Variants in ACVR1B observed in about 807,000 individuals in gnomAD.
ACVR1B encodes the protein activin receptor type-1B.
ACVR1B carries 15 observed loss-of-function variants against 55.6 expected under a neutral mutation model. That is an observed-to-expected ratio of 0.27 (90% CI 0.18 to 0.42). The LOEUF is 0.42. ACVR1B is among the 10% of genes least tolerant of loss of function. The pLI is 1.00. For synonymous variants in ACVR1B, 247 were observed against 254.6 expected (o/e 0.97, Z 0.28); for missense variants, 359 against 670.1 (o/e 0.54, Z 5.13).
intron 1 of ACVR1B, among the ~76,000 whole-genome samples, chr12:51,968,390 GTTATT>G (rs1272495086): frequency 2.6e-5 from 4 of 152,194 alleles, no homozygotes; most frequent in Non-Finnish European, 5.9e-5. Context: ...TGTAATAAAT[GTTATT>G]TTATTCTAAA....
chr12:51,995,610 T>A lies in ACVR1B; in HGVS notation c.*1500T>A, dbSNP rs1250149324. On this transcript the variant is annotated 3_prime_UTR_variant, in exon 9 of 9. Coordinates refer to ENST00000257963, the MANE Select transcript of ACVR1B (RefSeq NM_004302.5). ...GTTTGGATTTTAACTTTTTTTAATG[T>A]TGTTAAATATTAAGTTTTTGTAAAA... 4 of 152,532 alleles carry A rather than the reference T, an allele frequency of 2.6e-5. No homozygotes were observed. Among genetic ancestry groups the A allele is most frequent in the Non-Finnish European group, 1.5e-5 (1 of 68,018 alleles). 9.4% of individuals were successfully genotyped at this position (152,532 alleles called of 1,614,324 possible). A position where few individuals can be genotyped will look rare whatever the true frequency, so the allele number is the denominator to read the frequency against.
intron 2 of ACVR1B, 22 bp from the exon 3 acceptor site, chr12:51,976,305 T>C (rs761577536): frequency 6.2e-7 from 1 of 1,613,172 alleles, no homozygotes; most frequent in African/African-American, 1.3e-5. Context: ...ATTCTTTCCC[T>C]CTCCTCTCTC....
chr12:51,996,684 C>T lies in ACVR1B; in HGVS notation c.*2574C>T, dbSNP rs1269430794. On this transcript the variant is annotated 3_prime_UTR_variant, in exon 9 of 9. Transcript: ENST00000257963. ...CCCCACACACAGTCCAACTCTTCCA[C>T]CTCTGGGGAAGATGGAGCAGGTCTT... 8.5e-5 allele frequency: 13 copies of T among 152,738 alleles called. No homozygotes were observed. Among genetic ancestry groups the T allele is most frequent in the African/African-American group, 2.9e-4 (12 of 41,564 alleles). The allele number at this position is 152,738 out of a possible 1,614,324, so 9.5% of individuals were successfully genotyped here. A position where few individuals can be genotyped will look rare whatever the true frequency, so the allele number is the denominator to read the frequency against.
At chr12:51,962,896 G>A (rs1371929120) in intron 1 of ACVR1B, among the ~76,000 whole-genome samples, 1 of 152,202 alleles carries the variant, frequency 6.6e-6, no homozygotes, top group Admixed American at 6.5e-5. Context: ...ATTGAGCACA[G>A]TGCTATTTGC....
intron 1 of ACVR1B, among the ~76,000 whole-genome samples, chr12:51,952,249 C>G (rs934609023): frequency 6.6e-6 from 1 of 152,138 alleles, no homozygotes; most frequent in Non-Finnish European, 1.5e-5. Flanking sequence ...CGTCTTTCTC[C>G]CGCCAAGACT....
At chr12:51,981,526 C>T (rs1022786261) in intron 4 of ACVR1B, among the ~76,000 whole-genome samples, 6 of 152,110 alleles carry the variant, frequency 3.9e-5, no homozygotes, top group Admixed American at 3.3e-4. Flanking sequence ...GTCCCGTAAG[C>T]TTATTTTGAA....
chr12:51,969,044 T>C (rs1941694802), intron 1 of ACVR1B, among the ~76,000 whole-genome samples: 1 of 152,184 alleles, frequency 6.6e-6, no homozygotes, highest in African/African-American at 2.4e-5. Flanking sequence ...GCCAGCATCA[T>C]GCGCCAAATG....
At chr12:51,987,005 GT>G in intron 7 of ACVR1B, 63 bp downstream of exon 7, 5 of 1,610,510 alleles carry the variant, frequency 3.1e-6, no homozygotes, top group Non-Finnish European at 4.2e-6. Context: ...ACCCAAAGCT[GT>G]TTTACTGCCC....
Position 51,994,067 on chromosome 12 carries a change from A to C in ACVR1B, c.1475A>C (p.Lys492Thr), listed in dbSNP as rs763727605. The C allele has an allele frequency of 1.2e-6, 2 of 1,614,144 alleles. No individual in the cohort carries two copies. The highest frequency in any genetic ancestry group is 8.5e-7 in the Non-Finnish European group (1 of 1,180,048). Residue 492 changes from lysine (K) to threonine (T), a missense_variant, in exon 9 of 9, where the codon AAG becomes ACG. Lys to Thr is a moderately conservative substitution (Grantham distance 78). This residue lies in a region of ACVR1B where 53 missense variants were observed against 78.5 expected (regional missense o/e 0.68). Coordinates refer to ENST00000257963, the MANE Select transcript of ACVR1B (RefSeq NM_004302.5). The surrounding 1 kb of genome is among the most constrained non-coding windows in gnomAD (Gnocchi z 4.2). ...CGCCTGACGGCCCTGCGCATCAAGAAGACCCTCTCCCAGCTCAGCGTGCAG... is the reference window on the plus strand; with the variant it reads ...CGCCTGACGGCCCTGCGCATCAAGACGACCCTCTCCCAGCTCAGCGTGCAG... ...AARLTALRIK[K>T]TLSQLSVQED... is the part of the protein sequence containing the mutation.
In ACVR1B at chr12:51,982,584, C is replaced by A. The variant is rs535334552; in HGVS notation, c.811+1385C>A. 1.3e-5 allele frequency: 17 copies of A among 1,293,398 alleles called. 1 individual carries two copies. Among genetic ancestry groups the A allele is most frequent in the Middle Eastern group, 1.9e-4 (1 of 5,194 alleles). 80.1% of individuals were successfully genotyped at this position (1,293,398 alleles called of 1,614,324 possible). On this transcript the variant is annotated intron_variant, in intron 4 of 8. Coordinates refer to ENST00000257963, the MANE Select transcript of ACVR1B (RefSeq NM_004302.5). Reference sequence around the variant, plus strand: ...TCACATTGTGGAAGGGTCTCTCTAGCAGTTGTGACATGACTTGCTCCTGTG... The same window carrying A: ...TCACATTGTGGAAGGGTCTCTCTAGAAGTTGTGACATGACTTGCTCCTGTG...
intron 8 of ACVR1B, among the ~76,000 whole-genome samples, chr12:51,992,964 C>G (rs1360681312): frequency 2.6e-5 from 4 of 152,190 alleles, no homozygotes; most frequent in Admixed American, 1.3e-4. Context: ...TTTTCACTTG[C>G]GGTTCTGCAT....
chr12:51,991,760 G>C (rs896745358), intron 7 of ACVR1B, 103 bp from the exon 8 acceptor site: 21 of 1,241,702 alleles, frequency 1.7e-5, no homozygotes, highest in South Asian at 9.0e-5. Flanking sequence ...GGAACCTTAG[G>C]GGGTAGTGGT....
rs758243949 is a variant in ACVR1B, at chr12:51,951,810, G to T, written c.67G>T (p.Gly23Trp). The change falls in exon 1 of 9, where the codon GGG becomes TGG. Residue 23 changes from glycine (G) to tryptophan (W), a missense_variant. Physicochemically the swap from Gly to Trp is radical, Grantham distance 184. Around this residue, in one of 5 missense-constraint regions of ACVR1B, gnomAD observed 48 missense variants for 40.6 expected, o/e 1.18. Transcript: ENST00000257963. ...LVVLLLAGSG[G>W]SGPRGVQALL... ...TGTCCTCCTGCTCGCCGGCAGCGGC[G>T]GGTCCGGGCCCCGGGGGGTCCAGGG... The T allele has an allele frequency of 7.8e-7, 1 of 1,284,224 alleles. No homozygotes were observed. Among genetic ancestry groups the T allele is most frequent in the Non-Finnish European group, 9.9e-7 (1 of 1,006,826 alleles). 79.6% of individuals were successfully genotyped at this position (1,284,224 alleles called of 1,614,324 possible). A position where few individuals can be genotyped will look rare whatever the true frequency, so the allele number is the denominator to read the frequency against.
chr12:51,969,723 A>G (rs1941710247), intron 1 of ACVR1B, among the ~76,000 whole-genome samples: 1 of 152,210 alleles, frequency 6.6e-6, no homozygotes, highest in Admixed American at 6.5e-5. Flanking sequence ...TACACTGTGT[A>G]TAAAGAACTA....
chr12:51,993,332 G>A lies in ACVR1B; in HGVS notation c.1393-653G>A, dbSNP rs564194871. On this transcript the variant is annotated intron_variant, in intron 8 of 8. Transcript: ENST00000257963. ...GAATTGCATATTAGCTGATGCTTTC[G>A]TGTTGCATCATAGAGCAGCACTTCT... Among the ~76,000 whole-genome samples, 53 of 152,266 alleles carry A rather than the reference G, an allele frequency of 3.5e-4. No individual in the cohort carries two copies. In the South Asian group the frequency reaches 0.01, roughly 29 times the overall value.
intron 3 of ACVR1B, among the ~76,000 whole-genome samples, chr12:51,979,638 T>C (rs993711255): frequency 6.6e-6 from 1 of 152,124 alleles, no homozygotes; most frequent in Non-Finnish European, 1.5e-5. Context: ...ATGATGTGCT[T>C]GTGCTGGGGA....
At chr12:51,957,337 A>C (rs1054774678) in intron 1 of ACVR1B, among the ~76,000 whole-genome samples, 1 of 151,248 alleles carries the variant, frequency 6.6e-6, no homozygotes, top group South Asian at 2.1e-4. Context: ...CCAGCTACTC[A>C]GGAGGCTGAG....
chr12:51,979,613 G>C (rs1941939951), intron 3 of ACVR1B, among the ~76,000 whole-genome samples: 1 of 152,192 alleles, frequency 6.6e-6, no homozygotes, highest in Admixed American at 6.5e-5. Context: ...GAACTTTTAT[G>C]ATGAGGAGAC....
At chr12:51,986,670 A>G (rs1942081735) in intron 6 of ACVR1B, 148 bp from the exon 7 acceptor site, 4 of 1,109,410 alleles carry the variant, frequency 3.6e-6, no homozygotes, top group Admixed American at 2.4e-5. Context: ...GGAGTTTGCA[A>G]TGAAGAGATG....
Sources: gnomAD v4.1 joint callset for allele counts (sites outside exome capture counted in the v4.1 genomes callset) on GRCh38, gnomAD v4.1.1 for gene constraint, gnomAD v4.1.1 regional missense constraint, Gnocchi (gnomAD v3.1) non-coding constraint, MANE v1.5 for transcripts, NCBI Gene and HGNC (gene_info 2026-07-23, HGNC 2026-07-21) for gene names.